Variants in SSBP2 observed in about 807,000 individuals in gnomAD.
SSBP2 encodes the protein single stranded DNA binding protein 2, also known as single-stranded DNA-binding protein 2.
Under a neutral mutation model 61.8 loss-of-function variants are expected in SSBP2, and 17 were observed. That is an observed-to-expected ratio of 0.28 (90% CI 0.19 to 0.41). SSBP2 has a LOEUF of 0.41. Among genes scored for constraint, SSBP2 ranks in the 10% least tolerant of loss-of-function variants. SSBP2 has a pLI of 1.00. For missense variants in SSBP2, 310 were observed against 458.7 expected, an observed-to-expected ratio of 0.68 and a Z score of 2.96; for synonymous variants, 139 against 141.3, an observed-to-expected ratio of 0.98 and a Z score of 0.12.
intron 4 of SSBP2, among the ~76,000 whole-genome samples, chr5:81,587,090 CT>C (rs879729352): frequency 7.2e-5 from 11 of 151,820 alleles, no homozygotes; most frequent in African/African-American, 1.5e-4. Flanking sequence ...CCCCTTTGTT[CT>C]TTTTTTTGCT....
intron 10 of SSBP2, among the ~76,000 whole-genome samples, chr5:81,449,228 C>G (rs917472256): frequency 2.6e-5 from 4 of 152,068 alleles, no homozygotes; most frequent in Admixed American, 2.6e-4. Flanking sequence ...TTTGTTAATA[C>G]GAGTCTCCAA....
intron 1 of SSBP2, among the ~76,000 whole-genome samples, chr5:81,703,038 C>A (rs1754100881): frequency 6.6e-6 from 1 of 152,218 alleles, no homozygotes; most frequent in East Asian, 1.9e-4. Context: ...CTGTTTTATT[C>A]TTTTTATTCC....
chr5:81,660,573 T>C (rs1750597777), intron 1 of SSBP2, among the ~76,000 whole-genome samples: 1 of 152,190 alleles, frequency 6.6e-6, no homozygotes, highest in South Asian at 2.1e-4. Flanking sequence ...TGTAAATTAG[T>C]TCAACCATTG....
rs890881880 is a variant in SSBP2, at chr5:81,546,456, C to G, written c.283-32739G>C. Among the ~76,000 whole-genome samples the G allele has an allele frequency of 3.4e-4, 52 of 151,192 alleles. 1 individual carries two copies. Among genetic ancestry groups the G allele is most frequent in the African/African-American group, 1.2e-3 (50 of 41,134 alleles). On this transcript the variant is annotated intron_variant, in intron 4 of 16. Coordinates refer to ENST00000320672, the MANE Select transcript of SSBP2 (RefSeq NM_012446.5). ...TTTTTTCTTTATGCTAGGGCACTAACTAGACAAACAATAACAAAAATTGCT... is the reference window on the plus strand; with the variant it reads ...TTTTTTCTTTATGCTAGGGCACTAAGTAGACAAACAATAACAAAAATTGCT...
intron 1 of SSBP2, among the ~76,000 whole-genome samples, chr5:81,688,822 A>G (rs997563815): frequency 1.3e-5 from 2 of 152,156 alleles, no homozygotes; most frequent in Non-Finnish European, 2.9e-5. Context: ...ACACTGATGA[A>G]CAACTGCATG....
rs1035437980 is a variant in SSBP2, at chr5:81,582,034, A to C, written c.282+33439T>G. 5.9e-5 allele frequency among the ~76,000 whole-genome samples: 9 copies of C among 152,284 alleles called. No individual in the cohort carries two copies. In the East Asian group the frequency reaches 1.7e-3, roughly 29 times the overall value. ...CACTCAGTTTTTCAAAAGCCTTTTT[A>C]ACAAACTGAGCCTTAAAGTAAATAG... On this transcript the variant is annotated intron_variant, in intron 4 of 16. Coordinates refer to ENST00000320672, the MANE Select transcript of SSBP2 (RefSeq NM_012446.5).
At chr5:81,522,875 A>G (rs1413693527) in intron 4 of SSBP2, among the ~76,000 whole-genome samples, 2 of 152,110 alleles carry the variant, frequency 1.3e-5, no homozygotes, top group Non-Finnish European at 2.9e-5. Context: ...TATTTTCACA[A>G]AGAATCCACA....
chr5:81,738,418 T>A (rs957051685), intron 1 of SSBP2, among the ~76,000 whole-genome samples: 5 of 152,226 alleles, frequency 3.3e-5, no homozygotes, highest in Non-Finnish European at 5.9e-5. Flanking sequence ...ATTAAAGCCT[T>A]AGTTTCCTCA....
intron 8 of SSBP2, among the ~76,000 whole-genome samples, chr5:81,470,484 C>T (rs773035566): frequency 6.6e-6 from 1 of 151,098 alleles, no homozygotes; most frequent in South Asian, 2.1e-4. Flanking sequence ...TCTTCATACA[C>T]GCATTAAGTA....
intron 4 of SSBP2, among the ~76,000 whole-genome samples, chr5:81,514,741 T>TAA: frequency 6.6e-6 from 1 of 152,098 alleles, no homozygotes; most frequent in Non-Finnish European, 1.5e-5. Context: ...AAAATCTCAG[T>TAA]ATGTTTGTAG....
intron 10 of SSBP2, among the ~76,000 whole-genome samples, chr5:81,452,192 G>C (rs952310928): frequency 1.3e-5 from 2 of 152,220 alleles, no homozygotes; most frequent in Non-Finnish European, 2.9e-5. Context: ...TAAAGGGTGA[G>C]GCTGCACAGT....
At chr5:81,582,122 T>C (rs1297684163) in intron 4 of SSBP2, among the ~76,000 whole-genome samples, 1 of 152,156 alleles carries the variant, frequency 6.6e-6, no homozygotes, top group South Asian at 2.1e-4. Flanking sequence ...GGTTGTTTTG[T>C]CTAAGAAAAG....
intron 4 of SSBP2, among the ~76,000 whole-genome samples, chr5:81,553,760 T>C (rs1042693911): frequency 6.6e-6 from 1 of 152,164 alleles, no homozygotes; most frequent in Non-Finnish European, 1.5e-5. Context: ...CAATTTACAA[T>C]GTATTTACTT....
At chr5:81,542,924 G>A (rs1236142056) in intron 4 of SSBP2, among the ~76,000 whole-genome samples, 1 of 150,068 alleles carries the variant, frequency 6.7e-6, no homozygotes, top group Non-Finnish European at 1.5e-5. Flanking sequence ...GCACAATCTC[G>A]ACTCACTGCA....
At chr5:81,425,723 T>C (rs1761909636) in intron 16 of SSBP2, among the ~76,000 whole-genome samples, 1 of 144,972 alleles carries the variant, frequency 6.9e-6, no homozygotes, top group Non-Finnish European at 1.5e-5. Flanking sequence ...GTTGTGATCT[T>C]AAAAAAAAAA....
At chr5:81,579,896 G>T (rs1475763363) in intron 4 of SSBP2, among the ~76,000 whole-genome samples, 1 of 151,984 alleles carries the variant, frequency 6.6e-6, no homozygotes, top group Non-Finnish European at 1.5e-5. Context: ...AGGCCTCTTT[G>T]CACCACATAT....
At chr5:81,580,750 T>TAA (rs10651788) in intron 4 of SSBP2, among the ~76,000 whole-genome samples, 59,999 of 145,808 alleles carry the variant, frequency 0.41, 13,394 homozygotes, top group African/African-American at 0.61. Flanking sequence ...TCAGTGTAGG[T>TAA]AAAAAAAAAA....
At chr5:81,589,607 GAATA>G (rs1383997207) in intron 4 of SSBP2, among the ~76,000 whole-genome samples, 1 of 152,024 alleles carries the variant, frequency 6.6e-6, no homozygotes, top group African/African-American at 2.4e-5. Context: ...TTTTTAAAAT[GAATA>G]AAAAAGGTTT....
chr5:81,438,213 T>C (rs890868161), intron 14 of SSBP2, among the ~76,000 whole-genome samples: 2 of 152,016 alleles, frequency 1.3e-5, no homozygotes, highest in Admixed American at 6.5e-5. Flanking sequence ...TAGCCGGGCA[T>C]GGTGGCAGGC....
Sources: gnomAD v4.1 joint callset for allele counts (sites outside exome capture counted in the v4.1 genomes callset) on GRCh38, gnomAD v4.1.1 for gene constraint, MANE v1.5 for transcripts, NCBI Gene and HGNC (gene_info 2026-07-23, HGNC 2026-07-21) for gene names.